Variants in KLF17 observed in about 807,000 individuals in gnomAD.
The protein encoded by KLF17 is Krueppel-like factor 17.
In KLF17, 31 loss-of-function variants were observed where a neutral mutation model predicts 34.2. The observed-to-expected ratio is 0.91, with a 90% CI of 0.68 to 1.22. The LOEUF (loss-of-function observed/expected upper bound fraction) is 1.22, where lower values mean the gene tolerates loss of function less well. KLF17 is among the 50% of genes most tolerant of loss of function. The pLI is 0.00. For synonymous variants in KLF17, 179 were observed against 186.7 expected (o/e 0.96, Z 0.34); for missense variants, 478 against 505.2 (o/e 0.95, Z 0.52).
chr1:44,085,269 T>C, the KLF17 span, among the ~76,000 whole-genome samples: 1 of 152,140 alleles, frequency 6.6e-6, no homozygotes, highest in Non-Finnish European at 1.5e-5. Flanking sequence ...AAGTAAATTA[T>C]ATGTTATGTT....
chr1:44,118,875 T>G lies in KLF17; in HGVS notation c.-33T>G. ...GCCGTGGTGGCTGGTTCCCTGTCTC[T>G]TCAGTAGAGAGTCTAGACCCCACCC... is the stretch of plus-strand genomic sequence containing the variant. On this transcript the variant is annotated 5_prime_UTR_variant, in exon 1 of 4. Coordinates refer to ENST00000372299, the MANE Select transcript of KLF17 (RefSeq NM_173484.4). The G allele has an allele frequency of 6.4e-7, 1 of 1,569,224 alleles. No homozygotes were observed. The highest frequency in any genetic ancestry group is 1.2e-5 in the South Asian group (1 of 85,478).
the KLF17 span, chr1:44,052,233 C>G: frequency 6.6e-6 from 1 of 152,200 alleles, no homozygotes. Flanking sequence ...CTTGGTCTTG[C>G]CTTTTTCTGC....
At chr1:44,125,613 G>A (rs1395413511) in intron 1 of KLF17, among the ~76,000 whole-genome samples, 3 of 151,694 alleles carry the variant, frequency 2.0e-5, no homozygotes, top group Non-Finnish European at 2.9e-5. Flanking sequence ...GATTACAGGT[G>A]CCCGCCACCA....
chr1:44,100,116 A>ACACACACACACAC, the KLF17 span, among the ~76,000 whole-genome samples: 2 of 144,232 alleles, frequency 1.4e-5, no homozygotes, highest in Admixed American at 6.9e-5. Flanking sequence ...ACACACACAC[A>ACACACACACACAC]AATTAGCTGG....
At chr1:44,083,044 C>T in the KLF17 span, among the ~76,000 whole-genome samples, 5 of 149,192 alleles carry the variant, frequency 3.4e-5, no homozygotes, top group Admixed American at 6.8e-5. Flanking sequence ...TGAGCTCAAA[C>T]AATCCTCTCA....
At chr1:44,120,357 C>A (rs1403305327) in intron 1 of KLF17, among the ~76,000 whole-genome samples, 1 of 152,040 alleles carries the variant, frequency 6.6e-6, no homozygotes, top group African/African-American at 2.4e-5. Flanking sequence ...GGAAGCTTGC[C>A]CAGAGAGAGC....
the KLF17 span, among the ~76,000 whole-genome samples, chr1:44,111,463 G>GT: frequency 0.11 from 9,892 of 90,490 alleles, 779 homozygotes; most frequent in South Asian, 0.18. Flanking sequence ...TTTGCAACTT[G>GT]TTTTTTTTTT....
At position 44,129,380 on chromosome 1, in the gene KLF17, A is replaced by T. The variant is rs780679632; in HGVS notation, c.109A>T (p.Asn37Tyr). The T allele has an allele frequency of 2.6e-6, 4 of 1,519,780 alleles. No homozygotes were observed. In the Admixed American group the frequency reaches 6.7e-5, roughly 26 times the overall value. The allele number at this position is 1,519,780 out of a possible 1,614,324, so 94.1% of individuals were successfully genotyped here. A position where few individuals can be genotyped will look rare whatever the true frequency, so the allele number is the denominator to read the frequency against. The change falls in exon 2 of 4, where the codon AAC becomes TAC. Residue 37 changes from asparagine (N) to tyrosine (Y), a missense_variant. By Grantham distance (143) the Asn-to-Tyr change is moderately radical. Coordinates refer to ENST00000372299, the MANE Select transcript of KLF17 (RefSeq NM_173484.4). ...QDNENSAPIL[N>Y]MSSSSGSSGV... ...TAACGAGAACTCAGCGCCCATCTTG[A>T]ACATGTCTTCATCTTCTGGAAGCTC...
chr1:44,069,509 AG>A, the KLF17 span, among the ~76,000 whole-genome samples: 1 of 116,118 alleles, frequency 8.6e-6, no homozygotes, highest in African/African-American at 3.9e-5. This position sits in a 1 kb window ranked among gnomAD's most constrained non-coding sequence, Gnocchi z 4.7. Flanking sequence ...AGAGAGAGAG[AG>A]AGAAGACAGG....
At chr1:44,093,882 T>C in the KLF17 span, among the ~76,000 whole-genome samples, 14 of 152,216 alleles carry the variant, frequency 9.2e-5, no homozygotes, top group African/African-American at 3.1e-4. Context: ...AGTTATCTCT[T>C]TACCAAGTTA....
At chr1:44,075,382 G>A in the KLF17 span, among the ~76,000 whole-genome samples, 4 of 152,032 alleles carry the variant, frequency 2.6e-5, no homozygotes, top group East Asian at 1.9e-4. Context: ...AAATCACAAC[G>A]CATGTGGTTT....
chr1:44,127,630 TTTTCTTTCCTTCTTTC>T (rs2088026940), intron 1 of KLF17, among the ~76,000 whole-genome samples: 2 of 46,010 alleles, frequency 4.3e-5, no homozygotes, highest in Admixed American at 2.4e-4. Context: ...TTTTCTTTTC[TTTTCTTTCCTTCTTTC>T]TTTCTTTCTT....
At chr1:44,078,437 CTTT>C in the KLF17 span, among the ~76,000 whole-genome samples, 52 of 69,862 alleles carry the variant, frequency 7.4e-4, no homozygotes, top group Non-Finnish European at 1.4e-3. Flanking sequence ...TTTCCTTCTT[CTTT>C]TTTTTTTTTT....
chr1:44,112,394 TTTTTTTTA>T, the KLF17 span, among the ~76,000 whole-genome samples: 1 of 150,720 alleles, frequency 6.6e-6, no homozygotes, highest in East Asian at 1.9e-4. Flanking sequence ...TTTTTCTTTC[TTTTTTTTA>T]TTTTCTTTTT....
At chr1:44,100,024 T>A in the KLF17 span, among the ~76,000 whole-genome samples, 2 of 149,750 alleles carry the variant, frequency 1.3e-5, no homozygotes, top group Non-Finnish European at 3.0e-5. Flanking sequence ...ATCACTTGAG[T>A]CAGGAGTTCG....
Position 44,129,953 on chromosome 1 carries a change from C to T in KLF17, c.682C>T (p.Gln228Ter). The stretch of plus-strand genomic sequence containing the variant: ...CCTTGGGATGCCCCCAGCTGAGTCC[C>T]AGTCATTGCTGGTTTTAGGATCTCA... ...HDLGMPPAES[Q>*]SLLVLGSQDS... is the part of the protein sequence containing the mutation. Residue 228 changes from glutamine to a stop codon, truncating the protein, a stop_gained, in exon 2 of 4, where the codon CAG becomes TAG. Transcript: ENST00000372299. LOFTEE classifies it high-confidence loss of function. 6.2e-7 allele frequency: 1 copy of T among 1,614,214 alleles called. No homozygotes were observed. Among genetic ancestry groups the T allele is most frequent in the Non-Finnish European group, 8.5e-7 (1 of 1,180,048 alleles).
chr1:44,103,722 T>G, the KLF17 span: 79 of 1,483,132 alleles, frequency 5.3e-5, no homozygotes, highest in Non-Finnish European at 7.0e-5. Flanking sequence ...CTCGGACAGC[T>G]TGGCGTTGGC....
the KLF17 span, among the ~76,000 whole-genome samples, chr1:44,101,857 T>A: frequency 6.6e-6 from 1 of 151,834 alleles, no homozygotes; most frequent in Admixed American, 6.6e-5. Flanking sequence ...TGAAACCGTG[T>A]TTCTCAAAAA....
chr1:44,066,925 T>C, the KLF17 span, among the ~76,000 whole-genome samples: 1 of 152,120 alleles, frequency 6.6e-6, no homozygotes, highest in African/African-American at 2.4e-5. Context: ...AGAGCACTCT[T>C]TTTATAAAGA....
Sources: gnomAD v4.1 joint callset for allele counts (sites outside exome capture counted in the v4.1 genomes callset) on GRCh38, gnomAD v4.1.1 for gene constraint, Gnocchi (gnomAD v3.1) non-coding constraint, MANE v1.5 for transcripts, NCBI Gene and HGNC (gene_info 2026-07-23, HGNC 2026-07-21) for gene names.